The following ELFN1 variants were observed in gnomAD, a reference collection of about 807,000 sequenced individuals.
ELFN1 encodes extracellular leucine rich repeat and fibronectin type III domain containing 1, also known as protein ELFN1.
In ELFN1, 6 loss-of-function variants were observed where a neutral mutation model predicts 7.6. The observed-to-expected ratio is 0.79, with a 90% CI of 0.43 to 1.56. The LOEUF (loss-of-function observed/expected upper bound fraction) is 1.56. Ranked by LOEUF, ELFN1 falls within the 40% of genes most tolerant of loss-of-function variation. ELFN1 has a pLI of 0.01. For missense variants in ELFN1, 1,169 were observed against 1,232.2 expected (o/e 0.95, Z 0.77); for synonymous variants, 657 against 588.1 (o/e 1.12, Z -1.70).
At chr7:1,724,154 T>C (rs1746210068) in intron 3 of ELFN1, among the ~76,000 whole-genome samples, 1 of 152,188 alleles carries the variant, frequency 6.6e-6, no homozygotes, top group South Asian at 2.1e-4. Flanking sequence ...ACCATAAGTA[T>C]CCAACATGTT....
intron 2 of ELFN1, among the ~76,000 whole-genome samples, chr7:1,708,512 T>G (rs188121393): frequency 2.6e-5 from 4 of 152,306 alleles, no homozygotes; most frequent in Non-Finnish European, 4.4e-5. Flanking sequence ...GCCTGGCATT[T>G]GGCATACTCT....
At chr7:1,714,808 G>A (rs1339796474) in intron 3 of ELFN1, among the ~76,000 whole-genome samples, 5 of 152,300 alleles carry the variant, frequency 3.3e-5, no homozygotes, top group Admixed American at 1.3e-4. Context: ...ATTTGGCTGC[G>A]CAAGACAAAC....
chr7:1,726,151 G>C (rs2128596107), intron 3 of ELFN1, among the ~76,000 whole-genome samples: 1 of 152,226 alleles, frequency 6.6e-6, no homozygotes, highest in South Asian at 2.1e-4. Flanking sequence ...GAGAACGCAG[G>C]GCTCCAAGGT....
intron 2 of ELFN1, among the ~76,000 whole-genome samples, chr7:1,697,960 C>G (rs941099966): frequency 2.6e-5 from 4 of 152,190 alleles, no homozygotes; most frequent in African/African-American, 9.6e-5. Context: ...GGGGCCAGGC[C>G]TGGGCTTCCC....
intron 1 of ELFN1, among the ~76,000 whole-genome samples, chr7:1,686,893 A>G (rs1250033596): frequency 2.6e-5 from 4 of 151,960 alleles, no homozygotes; most frequent in Non-Finnish European, 4.4e-5. Flanking sequence ...CAGCTAGTCT[A>G]CTGGTGTATT....
At chr7:1,686,125 A>G (rs1218588942) in intron 1 of ELFN1, among the ~76,000 whole-genome samples, 1 of 151,534 alleles carries the variant, frequency 6.6e-6, no homozygotes, top group Non-Finnish European at 1.5e-5. Flanking sequence ...TTTGTGTTGA[A>G]AACAAACACT....
chr7:1,746,733 G>T lies in ELFN1; in HGVS notation c.2137G>T (p.Ala713Ser). 1 of 1,484,394 alleles carries T rather than the reference G, an allele frequency of 6.7e-7. No individual in the cohort carries two copies. The allele number at this position is 1,484,394 out of a possible 1,614,324, so 92.0% of individuals were successfully genotyped here. A position where few individuals can be genotyped will look rare whatever the true frequency, so the allele number is the denominator to read the frequency against. ...GCACTCGTACCCCGGCTCCCACCCG[G>T]CCGAGCCACCTGCGCCCCCCGGGCC... Reference protein sequence around the residue: ...HRHSYPGSHPAEPPAPPGPPP... With the variant: ...HRHSYPGSHPSEPPAPPGPPP... Residue 713 changes from alanine to serine, a missense_variant, in exon 4 of 4, where the codon GCC (alanine) becomes TCC (serine). Ala to Ser is a moderately conservative substitution (Grantham distance 99). Coordinates refer to ENST00000424383, the MANE Select transcript of ELFN1 (RefSeq NM_001128636.4).
At chr7:1,672,547 C>T (rs911389553) in intron 1 of ELFN1, among the ~76,000 whole-genome samples, 1 of 152,210 alleles carries the variant, frequency 6.6e-6, no homozygotes, top group African/African-American at 2.4e-5. Context: ...TAAAATATGA[C>T]CACAGTGCCT....
chr7:1,690,861 T>A (rs1446582514), intron 2 of ELFN1, among the ~76,000 whole-genome samples: 2 of 152,012 alleles, frequency 1.3e-5, no homozygotes, highest in Admixed American at 1.3e-4. Flanking sequence ...AGTGGGTGGA[T>A]GCTAGAAGGA....
chr7:1,693,253 G>A (rs1016605860), intron 2 of ELFN1: 11 of 431,584 alleles, frequency 2.5e-5, no homozygotes, highest in East Asian at 2.2e-4. Context: ...TCCAGCAGAC[G>A]TGGGGTTAGG....
intron 2 of ELFN1, among the ~76,000 whole-genome samples, chr7:1,706,415 C>G (rs1779531150): frequency 6.6e-6 from 1 of 150,532 alleles, no homozygotes; most frequent in Admixed American, 6.6e-5. Context: ...GAGTGAGACT[C>G]TGTCTCAAAA....
At chr7:1,699,770 C>T (rs1423765528) in intron 2 of ELFN1, among the ~76,000 whole-genome samples, 1 of 152,190 alleles carries the variant, frequency 6.6e-6, no homozygotes, top group African/African-American at 2.4e-5. Flanking sequence ...ATGGCATGAT[C>T]TCTGCTCACT....
intron 2 of ELFN1, among the ~76,000 whole-genome samples, chr7:1,691,194 G>C (rs1400708975): frequency 1.1e-4 from 16 of 152,216 alleles, no homozygotes. Flanking sequence ...CCTCTCCACT[G>C]CTTCACATCT....
At position 1,746,973 on chromosome 7, in the gene ELFN1, T is replaced by A. The variant is rs1174588663; in HGVS notation, c.2377T>A (p.Phe793Ile). Residue 793 changes from phenylalanine (F) to isoleucine (I), a missense_variant, in exon 4 of 4, where the codon TTC (phenylalanine) becomes ATC (isoleucine). Physicochemically the swap from Phe to Ile is conservative, Grantham distance 21. Coordinates refer to ENST00000424383, the MANE Select transcript of ELFN1 (RefSeq NM_001128636.4). Reference sequence around the variant, plus strand: ...CCGGCGGCACAAGGAGGAAGAGGAGTTCATGGCCGCGGGCCATGCCCTGCG... The same window carrying A: ...CCGGCGGCACAAGGAGGAAGAGGAGATCATGGCCGCGGGCCATGCCCTGCG... ...SRRRHKEEEE[F>I]MAAGHALRKK... 1 of 1,554,264 alleles carries A rather than the reference T, an allele frequency of 6.4e-7. No homozygotes were observed. The highest frequency in any genetic ancestry group is 1.9e-5 in the Admixed American group (1 of 51,464).
At chr7:1,685,909 C>T (rs551408019) in intron 1 of ELFN1, among the ~76,000 whole-genome samples, 40 of 146,090 alleles carry the variant, frequency 2.7e-4, no homozygotes, top group Admixed American at 1.2e-3. Context: ...TATCTTTCAA[C>T]GGTTTATATA....
chr7:1,682,633 A>G (rs10238515), intron 1 of ELFN1, among the ~76,000 whole-genome samples: 3,670 of 145,420 alleles, frequency 0.025, 163 homozygotes, highest in African/African-American at 0.088. Context: ...TTTTGTAGAG[A>G]CAAGGTTTTC....
intron 3 of ELFN1, among the ~76,000 whole-genome samples, chr7:1,722,504 G>T (rs2128593966): frequency 6.6e-6 from 1 of 151,746 alleles, no homozygotes; most frequent in Admixed American, 6.6e-5. Flanking sequence ...CCTGACCTCT[G>T]GTGATCCACC....
At chr7:1,700,847 G>A (rs1005154457) in intron 2 of ELFN1, among the ~76,000 whole-genome samples, 1 of 152,188 alleles carries the variant, frequency 6.6e-6, no homozygotes, top group Admixed American at 6.5e-5. Context: ...TTTGAATTTC[G>A]CTGGCGAGTA....
intron 3 of ELFN1, among the ~76,000 whole-genome samples, chr7:1,723,546 G>A (rs1317591241): frequency 1.3e-5 from 2 of 152,182 alleles, no homozygotes; most frequent in African/African-American, 4.8e-5. Context: ...GCCTCACAAG[G>A]TTCTGGTCCA....
Sources: allele counts gnomAD v4.1 joint callset (sites outside exome capture counted in the v4.1 genomes callset), GRCh38; gene constraint gnomAD v4.1.1; transcripts MANE v1.5; gene names NCBI Gene and HGNC (gene_info 2026-07-23, HGNC 2026-07-21).